Variants in TBC1D22A observed in about 807,000 individuals in gnomAD.
TBC1D22A encodes TBC1 domain family member 22A, also known as putative GTPase activator.
TBC1D22A carries 38 observed loss-of-function variants against 60.2 expected under a neutral mutation model. That is an observed-to-expected ratio of 0.63 (90% CI 0.49 to 0.83). TBC1D22A has a LOEUF of 0.83. Ranked by LOEUF, TBC1D22A falls within the 40% of genes least tolerant of loss-of-function variation. TBC1D22A has a pLI of 0.00. For missense variants in TBC1D22A, 628 were observed against 701.0 expected (o/e 0.90, Z 1.18); for synonymous variants, 302 against 281.7 (o/e 1.07, Z -0.72).
intron 1 of TBC1D22A, among the ~76,000 whole-genome samples, chr22:46,766,059 G>A (rs1203180345): frequency 6.6e-6 from 1 of 150,806 alleles, no homozygotes; most frequent in African/African-American, 2.4e-5. Flanking sequence ...GTGCAGTGGT[G>A]CGATCTCGGC....
At chr22:47,110,362 C>G (rs935931239) in intron 11 of TBC1D22A, among the ~76,000 whole-genome samples, 13 of 152,028 alleles carry the variant, frequency 8.6e-5, no homozygotes, top group African/African-American at 3.1e-4. Flanking sequence ...GTCTGTAATC[C>G]CAGCTACTCG....
At chr22:47,102,631 G>A (rs371336323) in intron 11 of TBC1D22A, among the ~76,000 whole-genome samples, 3 of 152,106 alleles carry the variant, frequency 2.0e-5, no homozygotes, top group Admixed American at 1.3e-4. Context: ...AAGTGATGCC[G>A]TAAAGCTCTG....
intron 4 of TBC1D22A, among the ~76,000 whole-genome samples, chr22:46,825,882 C>T (rs1246468609): frequency 2.8e-5 from 4 of 140,396 alleles, no homozygotes; most frequent in Non-Finnish European, 6.2e-5. Context: ...CTGTGGTGGT[C>T]TTCTTTTTTT....
Position 46,958,025 on chromosome 22 carries a change from G to A in TBC1D22A, c.1016-16265G>A, listed in dbSNP as rs565933521. ...TCTCCTGCATTTCTCGGGGGTTGGG[G>A]GAGTGATGGGGTAGGCCTGGGGGCT... On this transcript the variant is annotated intron_variant, in intron 8 of 12. Coordinates refer to ENST00000337137, the MANE Select transcript of TBC1D22A (RefSeq NM_014346.5). Among the ~76,000 whole-genome samples the A allele has an allele frequency of 3.2e-4, 49 of 152,250 alleles. 1 individual carries two copies. In the South Asian group the frequency reaches 9.4e-3, roughly 29 times the overall value.
chr22:47,020,299 C>T (rs111696193), intron 10 of TBC1D22A, among the ~76,000 whole-genome samples: 4,508 of 152,262 alleles, frequency 0.03, 111 homozygotes, highest in South Asian at 0.086. Context: ...ATCAGGGTCA[C>T]AGCTCAGACT....
intron 10 of TBC1D22A, among the ~76,000 whole-genome samples, chr22:47,015,833 C>T (rs2061893506): frequency 6.6e-6 from 1 of 152,212 alleles, no homozygotes; most frequent in Admixed American, 6.5e-5. Flanking sequence ...CCTTACGCTG[C>T]CCTATGTAGC....
Position 47,090,206 on chromosome 22 carries a change from G to C in TBC1D22A, c.1330-21302G>C, listed in dbSNP as rs577199558. On this transcript the variant is annotated intron_variant, in intron 11 of 12. Coordinates refer to ENST00000337137, the MANE Select transcript of TBC1D22A (RefSeq NM_014346.5). Reference sequence around the variant, plus strand: ...GCCTGTGAAAGATGAAGATTCCGGGGCTTGCCACCCATTCATGCTAGGAAA... The same window carrying C: ...GCCTGTGAAAGATGAAGATTCCGGGCCTTGCCACCCATTCATGCTAGGAAA... Among the ~76,000 whole-genome samples the C allele has an allele frequency of 9.2e-5, 14 of 152,276 alleles. No individual in the cohort carries two copies. In the South Asian group the frequency reaches 2.7e-3, roughly 29 times the overall value.
intron 12 of TBC1D22A, among the ~76,000 whole-genome samples, chr22:47,135,249 G>T (rs1422980650): frequency 6.6e-6 from 1 of 152,228 alleles, no homozygotes; most frequent in Middle Eastern, 3.2e-3. Context: ...CGTCATCCCA[G>T]TTAATCCCAC....
chr22:47,088,163 T>C (rs2064778032), intron 11 of TBC1D22A, among the ~76,000 whole-genome samples: 2 of 152,110 alleles, frequency 1.3e-5, no homozygotes, highest in South Asian at 4.1e-4. Flanking sequence ...TAACCTCTTA[T>C]CTTCTGGCTG....
At chr22:47,052,199 A>G (rs2063247900) in intron 11 of TBC1D22A, among the ~76,000 whole-genome samples, 5 of 152,206 alleles carry the variant, frequency 3.3e-5, no homozygotes, top group Admixed American at 3.3e-4. Context: ...CTGAACACGT[A>G]TTTAGAGCAA....
At chr22:46,973,601 A>G (rs2148126376) in intron 8 of TBC1D22A, among the ~76,000 whole-genome samples, 1 of 152,380 alleles carries the variant, frequency 6.6e-6, no homozygotes, top group East Asian at 1.9e-4. Context: ...AATTTTTAAA[A>G]CATTTATGAG....
chr22:47,171,751 G>C (rs188163616), intron 12 of TBC1D22A, among the ~76,000 whole-genome samples: 1 of 147,532 alleles, frequency 6.8e-6, no homozygotes, highest in Non-Finnish European at 1.5e-5. Flanking sequence ...CGGTGGTCGT[G>C]GGGGGTCCCC....
chr22:47,142,927 C>T (rs1246029319), intron 12 of TBC1D22A, among the ~76,000 whole-genome samples: 1 of 142,150 alleles, frequency 7.0e-6, no homozygotes, highest in Admixed American at 7.0e-5. Flanking sequence ...GACACATACT[C>T]TGTTGCTCTC....
chr22:47,004,010 C>G (rs906789510), intron 10 of TBC1D22A, among the ~76,000 whole-genome samples: 1 of 148,820 alleles, frequency 6.7e-6, no homozygotes, highest in African/African-American at 2.5e-5. Context: ...ACACCCTACG[C>G]ACGCATGCCT....
chr22:47,092,353 G>T lies in TBC1D22A; in HGVS notation c.1330-19155G>T, dbSNP rs1294075258. Among the ~76,000 whole-genome samples the T allele has an allele frequency of 3.3e-5, 5 of 152,162 alleles. No individual in the cohort carries two copies. In the East Asian group the frequency reaches 9.6e-4, roughly 29 times the overall value. On this transcript the variant is annotated intron_variant, in intron 11 of 12. Transcript: ENST00000337137. ...GCAGCCCAGAGTGTCTCAGTGAAGA[G>T]GGACAGGACTCACCATAAGGGATGG...
intron 4 of TBC1D22A, among the ~76,000 whole-genome samples, chr22:46,851,934 A>C (rs1049884811): frequency 2.6e-5 from 4 of 152,200 alleles, no homozygotes; most frequent in African/African-American, 9.7e-5. Context: ...GGTGGCAGCA[A>C]GCCAGTGGCA....
chr22:46,883,772 G>C (rs905277609), intron 5 of TBC1D22A, among the ~76,000 whole-genome samples: 1 of 152,198 alleles, frequency 6.6e-6, no homozygotes, highest in African/African-American at 2.4e-5. Context: ...GCTGCACACA[G>C]CTTCACACCC....
chr22:47,018,119 C>T (rs1396668456), intron 10 of TBC1D22A, among the ~76,000 whole-genome samples: 4 of 152,240 alleles, frequency 2.6e-5, no homozygotes, highest in Non-Finnish European at 4.4e-5. Flanking sequence ...CTGTGCCAGG[C>T]GTGGGGGCCC....
At chr22:46,984,240 G>A (rs918536520) in intron 9 of TBC1D22A, among the ~76,000 whole-genome samples, 10 of 151,258 alleles carry the variant, frequency 6.6e-5, no homozygotes, top group South Asian at 4.2e-4. Flanking sequence ...GGTGGCGCGC[G>A]CCTGTAATCC....
Sources: allele counts gnomAD v4.1 joint callset (sites outside exome capture counted in the v4.1 genomes callset), GRCh38; gene constraint gnomAD v4.1.1; transcripts MANE v1.5; gene names NCBI Gene and HGNC (gene_info 2026-07-23, HGNC 2026-07-21).